Variants in PEAK1 observed in about 807,000 individuals in gnomAD.
PEAK1 encodes inactive tyrosine-protein kinase PEAK1.
In PEAK1, 54 loss-of-function variants were observed where a neutral mutation model predicts 124.7. The observed-to-expected ratio is 0.43, with a 90% CI of 0.35 to 0.54. The LOEUF (loss-of-function observed/expected upper bound fraction) is 0.54. PEAK1 is among the 20% of genes least tolerant of loss of function. PEAK1 has a pLI of 0.01. For missense variants in PEAK1, 2,046 were observed against 2,134.5 expected, an observed-to-expected ratio of 0.96 and a Z score of 0.82; for synonymous variants, 719 against 760.0, an observed-to-expected ratio of 0.95 and a Z score of 0.89.
chr15:77,377,510 T>C (rs1291562701), intron 1 of PEAK1, among the ~76,000 whole-genome samples: 1 of 150,462 alleles, frequency 6.6e-6, no homozygotes, highest in African/African-American at 2.5e-5. Flanking sequence ...TGGAGTACAA[T>C]GGCACGATCT....
chr15:77,354,809 G>A (rs2067408804), intron 2 of PEAK1, among the ~76,000 whole-genome samples: 1 of 152,192 alleles, frequency 6.6e-6, no homozygotes, highest in Non-Finnish European at 1.5e-5. Flanking sequence ...GGAGGCCGAT[G>A]GTGGAGGATC....
intron 6 of PEAK1, among the ~76,000 whole-genome samples, chr15:77,212,890 C>T (rs2058969898): frequency 6.6e-6 from 1 of 152,102 alleles, no homozygotes; most frequent in Admixed American, 6.6e-5. Context: ...AATTCTTATA[C>T]CTGATGTCTC....
rs566169239 is a variant in PEAK1 at position 77,266,818 on chromosome 15, G to A, written c.-274-14292C>T. Reference sequence around the variant, plus strand: ...ACCACAAGAACATACCAGGAAAGCCGAGATAATCCACAGACCCTTTGAAGG... The same window carrying A: ...ACCACAAGAACATACCAGGAAAGCCAAGATAATCCACAGACCCTTTGAAGG... On this transcript the variant is annotated intron_variant, in intron 5 of 9. Coordinates refer to ENST00000682557, the MANE Select transcript of PEAK1 (RefSeq NM_001385026.1). 1.2e-4 allele frequency among the ~76,000 whole-genome samples: 19 copies of A among 152,256 alleles called. No individual in the cohort carries two copies. The South Asian group carries it at 2.7e-3, about 22-fold the overall frequency.
rs779374398 is a variant in PEAK1, at chr15:77,180,420, A to T, written c.1507T>A (p.Ser503Thr). ...GATGTAACTGGAGAGTTTGGAGTAGAGGATGAGCTTTTTGTCTTGGGGCTG... is the reference window on the plus strand; with the variant it reads ...GATGTAACTGGAGAGTTTGGAGTAGTGGATGAGCTTTTTGTCTTGGGGCTG... ...VNSPKTKSSS[S>T]TPNSPVTSSS... The change falls in exon 7 of 10, where the codon TCT becomes ACT. Residue 503 changes from serine (S) to threonine (T), a missense_variant. Transcript: ENST00000682557. The T allele has an allele frequency of 2.5e-6, 4 of 1,614,176 alleles. No homozygotes were observed. The South Asian group carries it at 4.4e-5, about 18-fold the overall frequency.
chr15:77,264,711 A>C (rs865826340), intron 5 of PEAK1, among the ~76,000 whole-genome samples: 55 of 152,158 alleles, frequency 3.6e-4, no homozygotes, highest in African/African-American at 1.3e-3. Context: ...TGCCATCCCC[A>C]TCAAGCTACC....
intron 1 of PEAK1, among the ~76,000 whole-genome samples, chr15:77,408,080 T>C (rs62007279): frequency 7.1e-6 from 1 of 141,408 alleles, no homozygotes; most frequent in Non-Finnish European, 1.6e-5. Flanking sequence ...TATACATATA[T>C]ACACATATAT....
chr15:77,176,130 A>G (rs1401989244), intron 7 of PEAK1, among the ~76,000 whole-genome samples: 1 of 151,932 alleles, frequency 6.6e-6, no homozygotes, highest in African/African-American at 2.4e-5. Context: ...GAGGGATAGC[A>G]TTAGGAGATA....
chr15:77,405,504 G>A (rs1451969213), intron 1 of PEAK1, among the ~76,000 whole-genome samples: 2 of 151,970 alleles, frequency 1.3e-5, no homozygotes, highest in African/African-American at 4.8e-5. Context: ...AAGATGTGTG[G>A]TATAATATGT....
At chr15:77,202,813 G>A (rs1475169668) in intron 6 of PEAK1, among the ~76,000 whole-genome samples, 1 of 151,650 alleles carries the variant, frequency 6.6e-6, no homozygotes, top group Non-Finnish European at 1.5e-5. Context: ...GAGGTGGGCA[G>A]ACTGCTTGAG....
At chr15:77,354,246 G>A (rs1489162964) in intron 2 of PEAK1, among the ~76,000 whole-genome samples, 1 of 152,132 alleles carries the variant, frequency 6.6e-6, no homozygotes, top group African/African-American at 2.4e-5. Flanking sequence ...GAAACAAATA[G>A]TGCCACACCC....
chr15:77,214,621 C>T (rs2059063178), intron 6 of PEAK1, among the ~76,000 whole-genome samples: 1 of 146,396 alleles, frequency 6.8e-6, no homozygotes, highest in South Asian at 2.2e-4. Flanking sequence ...AAGACTCTGT[C>T]TCCAAAAAAA....
Position 77,226,064 on chromosome 15 carries a change from T to TATATATATA in PEAK1, c.-115+26294_-115+26302dup, listed in dbSNP as rs1567137652. The stretch of plus-strand genomic sequence containing the variant: ...AAAGGGATATATATATATATATATA[T>TATATATATA]ATATATATATATATATATATATATT... On this transcript the variant is annotated intron_variant, in intron 6 of 9. Coordinates refer to ENST00000682557, the MANE Select transcript of PEAK1 (RefSeq NM_001385026.1). 2.7e-3 allele frequency among the ~76,000 whole-genome samples: 361 copies of TATATATATA among 133,750 alleles called. 5 individuals are homozygous for TATATATATA. The highest frequency in any genetic ancestry group is 9.8e-3 in the African/African-American group (350 of 35,858). The allele number at this position is 133,750 out of a possible 152,430, so 87.7% of individuals were successfully genotyped here. A position where few individuals can be genotyped will look rare whatever the true frequency, so the allele number is the denominator to read the frequency against.
In PEAK1 at chr15:77,133,302, G is replaced by A. The variant is rs746634324; in HGVS notation, c.3780C>T (p.Pro1260=). 8.7e-6 allele frequency: 14 copies of A among 1,614,238 alleles called. No homozygotes were observed. In the South Asian group the frequency reaches 1.5e-4, roughly 18 times the overall value. ...GGATGCCTCGGCCCTGTCTGCAAGA[G>A]GGCCCACGCCGGCTGGAGAGGGATT... The part of the protein sequence containing the change: ...SMESLSSRRG[P]SCRQGRGIQK... Residue 1260 remains proline (P), a synonymous_variant, in exon 9 of 10, where the codon CCC becomes CCT. Transcript: ENST00000682557. The surrounding 1 kb of genome is among the most constrained non-coding windows in gnomAD (Gnocchi z 4.2).
chr15:77,164,965 G>A (rs1336437509), intron 7 of PEAK1, among the ~76,000 whole-genome samples: 2 of 151,550 alleles, frequency 1.3e-5, no homozygotes, highest in African/African-American at 4.9e-5. Context: ...GTGCAATGGC[G>A]TAATTTCTGC....
intron 7 of PEAK1, among the ~76,000 whole-genome samples, chr15:77,160,649 C>T (rs1173533298): frequency 6.6e-6 from 1 of 152,094 alleles, no homozygotes; most frequent in Non-Finnish European, 1.5e-5. Flanking sequence ...GCGCTCCAGC[C>T]TAGCAACAGA....
intron 8 of PEAK1, among the ~76,000 whole-genome samples, chr15:77,144,982 T>C (rs920057804): frequency 1.3e-5 from 2 of 152,236 alleles, no homozygotes; most frequent in African/African-American, 2.4e-5. Flanking sequence ...CTCTACATTT[T>C]TGTGGCATAC....
chr15:77,335,777 C>T (rs1208268606), intron 2 of PEAK1: 72 of 984,748 alleles, frequency 7.3e-5, no homozygotes, highest in Non-Finnish European at 8.6e-5. Flanking sequence ...AGGTGTGAGT[C>T]ACTGTACACA....
chr15:77,334,360 G>A, intron 2 of PEAK1: 1 of 985,326 alleles, frequency 1.0e-6, no homozygotes, highest in African/African-American at 1.7e-5. Context: ...ACACCAGAAG[G>A]AAGGCCTTTT....
chr15:77,241,946 G>A (rs1434939756), intron 6 of PEAK1, among the ~76,000 whole-genome samples: 3 of 151,644 alleles, frequency 2.0e-5, no homozygotes, highest in Non-Finnish European at 2.9e-5. Context: ...TCAAACTCCC[G>A]CTTTTTTTCA....
Sources: allele counts gnomAD v4.1 joint callset (sites outside exome capture counted in the v4.1 genomes callset), GRCh38; gene constraint gnomAD v4.1.1; non-coding constraint Gnocchi (gnomAD v3.1); transcripts MANE v1.5; gene names NCBI Gene and HGNC (gene_info 2026-07-23, HGNC 2026-07-21).